MYOF: variants seen among roughly 807,000 people sequenced by gnomAD.
The protein encoded by MYOF is myoferlin, also known as fer-1-like 3, myoferlin.
A neutral mutation model predicts 284.2 loss-of-function variants in MYOF; 244 were observed. The ratio of observed to expected loss-of-function variants is 0.86; its 90% confidence interval spans 0.77 to 0.95. The LOEUF (loss-of-function observed/expected upper bound fraction) is 0.95, where lower values mean the gene tolerates loss of function less well. Ranked by LOEUF, MYOF falls within the 40% of genes least tolerant of loss-of-function variation. MYOF has a pLI of 0.00. For synonymous variants in MYOF, 904 were observed against 919.7 expected (o/e 0.98, Z 0.31); for missense variants, 2,496 against 2,560.6 (o/e 0.97, Z 0.54).
intron 28 of MYOF, among the ~76,000 whole-genome samples, chr10:93,360,336 G>A (rs924243781): frequency 1.5e-4 from 23 of 152,206 alleles, no homozygotes; most frequent in Admixed American, 1.2e-3. Flanking sequence ...TCCTAGCATC[G>A]CCACATGTTG....
intron 41 of MYOF, among the ~76,000 whole-genome samples, chr10:93,335,712 TC>T (rs1168237525): frequency 6.6e-6 from 1 of 152,002 alleles, no homozygotes; most frequent in Non-Finnish European, 1.5e-5. Flanking sequence ...CCTTTTCCTT[TC>T]TGGCACCTTC....
At chr10:93,355,801 C>T in intron 30 of MYOF, 65 bp from the exon 31 acceptor site, 1 of 1,190,262 alleles carries the variant, frequency 8.4e-7, no homozygotes, top group Non-Finnish European at 1.2e-6. Context: ...AGCAAATCAA[C>T]CAACCAAGAG....
At position 93,462,855 on chromosome 10, in the gene MYOF, G is replaced by A. The variant is rs144555219; in HGVS notation, c.89-5918C>T. Among the ~76,000 whole-genome samples, 1,323 of 151,782 alleles carry A rather than the reference G, an allele frequency of 8.7e-3. 6 individuals carry two copies. The highest frequency in any genetic ancestry group is 0.014 in the Non-Finnish European group (975 of 67,964). On this transcript the variant is annotated intron_variant, in intron 1 of 53. Coordinates refer to ENST00000359263, the MANE Select transcript of MYOF (RefSeq NM_013451.4). ...TAAAAAAAAAAGGTTAAACCTGCAG[G>A]CACTGAACATCAAATTGAATTACAG...
intron 21 of MYOF, among the ~76,000 whole-genome samples, chr10:93,378,693 G>GTGTATATATATATATATATATATA: frequency 3.2e-4 from 28 of 87,890 alleles, no homozygotes; most frequent in African/African-American, 1.3e-3. Flanking sequence ...GTGTGTGTGT[G>GTGTATATATATATATATATATATA]TATATATATA....
chr10:93,324,555 A>ACTC, intron 46 of MYOF: 1 of 152,082 alleles, frequency 6.6e-6, no homozygotes, highest in African/African-American at 2.4e-5. Context: ...ATTTCTTGAA[A>ACTC]CTCCTCATAT....
chr10:93,397,468 C>T lies in MYOF; in HGVS notation c.1222-12G>A. 6.3e-7 allele frequency: 1 copy of T among 1,597,412 alleles called. No individual in the cohort carries two copies. The highest frequency in any genetic ancestry group is 1.1e-5 in the South Asian group (1 of 87,138). On this transcript the variant is annotated splice_polypyrimidine_tract_variant and intron_variant, in intron 13 of 53. Transcript: ENST00000359263. ...ATGTTTGTACAAACCTGTAAAATCA[C>T]CAAAGCAAAAGTGTAGGTTTTCAAG...
intron 48 of MYOF, among the ~76,000 whole-genome samples, chr10:93,320,795 A>T: frequency 6.6e-6 from 1 of 152,158 alleles, no homozygotes; most frequent in East Asian, 1.9e-4. Flanking sequence ...TAGAGAGCGC[A>T]TGGTTTTCTC....
intron 32 of MYOF, among the ~76,000 whole-genome samples, chr10:93,352,183 C>T (rs1406061006): frequency 6.6e-6 from 1 of 152,192 alleles, no homozygotes; most frequent in Non-Finnish European, 1.5e-5. Flanking sequence ...TCAACACCCA[C>T]ACTTCACCCC....
At position 93,442,041 on chromosome 10, in the gene MYOF, C is replaced by CACAG. The variant is rs57700900; in HGVS notation, c.236+10008_236+10009insCTGT. The stretch of plus-strand genomic sequence containing the variant: ...ACACACACACACACACACACACACA[C>CACAG]AGAATAAACCTTGGAAAGTCTGGGC... On this transcript the variant is annotated intron_variant, in intron 3 of 53. Coordinates refer to ENST00000359263, the MANE Select transcript of MYOF (RefSeq NM_013451.4). Among the ~76,000 whole-genome samples, 282 of 142,708 alleles carry CACAG rather than the reference C, an allele frequency of 2.0e-3. 1 individual carries two copies. Among genetic ancestry groups the CACAG allele is most frequent in the African/African-American group, 4.3e-3 (168 of 38,888 alleles). The allele number at this position is 142,708 out of a possible 152,430, so 93.6% of individuals were successfully genotyped here.
chr10:93,448,372 T>C (rs2056496379), intron 3 of MYOF, among the ~76,000 whole-genome samples: 1 of 152,176 alleles, frequency 6.6e-6, no homozygotes, highest in South Asian at 2.1e-4. Flanking sequence ...CAACTTTCCC[T>C]TTTCCTCTGA....
intron 3 of MYOF, among the ~76,000 whole-genome samples, chr10:93,447,359 T>C (rs192193612): frequency 6.6e-6 from 1 of 152,096 alleles, no homozygotes; most frequent in African/African-American, 2.4e-5. Context: ...CGTCCAGGAA[T>C]GCACTTACCG....
At chr10:93,422,758 T>C (rs1160614551) in intron 5 of MYOF, among the ~76,000 whole-genome samples, 1 of 152,174 alleles carries the variant, frequency 6.6e-6, no homozygotes, top group Non-Finnish European at 1.5e-5. Context: ...ATCATGTCAC[T>C]GCACTCCGGC....
At position 93,387,676 on chromosome 10, in the gene MYOF, A is replaced by G; in HGVS notation, c.1698+121T>C. 5 of 761,960 alleles carry G rather than the reference A, an allele frequency of 6.6e-6. No individual in the cohort carries two copies. In the South Asian group the frequency reaches 7.7e-5, roughly 12 times the overall value. 47.2% of individuals were successfully genotyped at this position (761,960 alleles called of 1,614,324 possible). A position where few individuals can be genotyped will look rare whatever the true frequency, so the allele number is the denominator to read the frequency against. On this transcript the variant is annotated intron_variant, in intron 19 of 53. Coordinates refer to ENST00000359263, the MANE Select transcript of MYOF (RefSeq NM_013451.4). The stretch of plus-strand genomic sequence containing the variant: ...GAAGCGATCCTCATAGGGCTGTTGT[A>G]GAAACATCCAGATGAGGGCCTCATT...
Position 93,328,931 on chromosome 10 carries a change from G to A in MYOF, c.4983-20C>T, listed in dbSNP as rs1843179628. ...CCAGAACTGTGAATAGCATCACGTG[G>A]CTCGGAGTTACGGAGGAGCCTGCAG... On this transcript the variant is annotated intron_variant, in intron 44 of 53. Coordinates refer to ENST00000359263, the MANE Select transcript of MYOF (RefSeq NM_013451.4). The A allele has an allele frequency of 1.9e-6, 3 of 1,579,300 alleles. No individual in the cohort carries two copies. In the African/African-American group the frequency reaches 4.0e-5, roughly 21 times the overall value.
At position 93,452,052 on chromosome 10, in the gene MYOF, A is replaced by G; in HGVS notation, c.234T>C (p.Asn78=). The G allele has an allele frequency of 6.2e-7, 1 of 1,606,234 alleles. No individual in the cohort carries two copies. The highest frequency in any genetic ancestry group is 8.5e-7 in the Non-Finnish European group (1 of 1,175,024). Residue 78 remains asparagine (N), a splice_region_variant and synonymous_variant, in exon 3 of 54, where the codon AAT becomes AAC. Transcript: ENST00000359263. The part of the protein sequence containing the change: ...IVKDFETIGQ[N]KLIGTATVAL... ...AAAAACAGGTGAAAACAACTTACTTATTTTGTCCAATTGTCTCAAAATCTT... is the reference window on the plus strand; with the variant it reads ...AAAAACAGGTGAAAACAACTTACTTGTTTTGTCCAATTGTCTCAAAATCTT...
At chr10:93,323,044 G>C (rs1473388610) in intron 48 of MYOF, 34 bp downstream of exon 48, 1 of 1,577,522 alleles carries the variant, frequency 6.3e-7, no homozygotes, top group Non-Finnish European at 8.7e-7. Flanking sequence ...CTGTTTCCCT[G>C]AGCTTGGCAA....
chr10:93,378,541 T>C (rs1330941565), intron 21 of MYOF, among the ~76,000 whole-genome samples: 2 of 151,748 alleles, frequency 1.3e-5, no homozygotes, highest in African/African-American at 2.4e-5. Flanking sequence ...AAACCCCATA[T>C]GTTTTGGTCC....
chr10:93,368,501 T>A (rs1009387211), intron 25 of MYOF, among the ~76,000 whole-genome samples: 1 of 152,190 alleles, frequency 6.6e-6, no homozygotes, highest in Non-Finnish European at 1.5e-5. Flanking sequence ...TTCTTCATCA[T>A]CTTCAGCAGC....
At chr10:93,362,134 G>A (rs1193133121) in intron 27 of MYOF, among the ~76,000 whole-genome samples, 6 of 152,102 alleles carry the variant, frequency 3.9e-5, no homozygotes, top group African/African-American at 1.2e-4. Context: ...ATTTTTAGTA[G>A]AGACAGGGTT....
Sources: allele counts gnomAD v4.1 joint callset (sites outside exome capture counted in the v4.1 genomes callset), GRCh38; gene constraint gnomAD v4.1.1; transcripts MANE v1.5; gene names NCBI Gene and HGNC (gene_info 2026-07-23, HGNC 2026-07-21).